Variants in NDE1 observed in about 807,000 individuals in gnomAD.
NDE1 encodes nuclear distribution protein nudE homolog 1.
A neutral mutation model predicts 43.4 loss-of-function variants in NDE1; 28 were observed. The ratio of observed to expected loss-of-function variants is 0.65; its 90% confidence interval spans 0.48 to 0.89. NDE1 has a LOEUF of 0.89. Ranked by LOEUF, NDE1 falls within the 40% of genes least tolerant of loss-of-function variation. NDE1 has a pLI of 0.00. For synonymous variants in NDE1, 184 were observed against 172.0 expected (o/e 1.07, Z -0.55); for missense variants, 441 against 434.1 (o/e 1.02, Z -0.14).
intron 2 of NDE1, among the ~76,000 whole-genome samples, chr16:15,666,470 A>G (rs1458367494): frequency 2.0e-5 from 3 of 152,126 alleles, no homozygotes; most frequent in Non-Finnish European, 4.4e-5. Flanking sequence ...ATTAGCAGGC[A>G]TGGTGGCATG....
At chr16:15,690,792 T>A (rs1380909053) in intron 5 of NDE1, among the ~76,000 whole-genome samples, 1 of 152,022 alleles carries the variant, frequency 6.6e-6, no homozygotes, top group Non-Finnish European at 1.5e-5. Flanking sequence ...CCACCAACCC[T>A]AAGCAAGGAC....
chr16:15,720,334 G>A (rs771335116), intron 8 of NDE1: 2 of 1,610,728 alleles, frequency 1.2e-6, no homozygotes, highest in Non-Finnish European at 1.7e-6. Context: ...ATAGAGATGT[G>A]TGCTGCCCCA....
intron 6 of NDE1, among the ~76,000 whole-genome samples, chr16:15,692,300 C>T (rs1056675360): frequency 2.6e-5 from 4 of 152,204 alleles, no homozygotes; most frequent in Non-Finnish European, 4.4e-5. Context: ...GGGATTCAGA[C>T]CCAGGCAGGC....
chr16:15,722,762 C>T (rs1171882569), intron 8 of NDE1, among the ~76,000 whole-genome samples: 1 of 152,132 alleles, frequency 6.6e-6, no homozygotes, highest in Non-Finnish European at 1.5e-5. Flanking sequence ...ATTTTTGAGA[C>T]AGGGTTTTCA....
rs200767884 is a variant in NDE1 at position 15,724,128 on chromosome 16, T to G, written c.948-63T>G. 1,688 of 1,611,718 alleles carry G rather than the reference T, an allele frequency of 1.0e-3. 2 individuals carry two copies. Among genetic ancestry groups the G allele is most frequent in the Non-Finnish European group, 1.4e-3 (1,614 of 1,180,006 alleles). ...AGCTGATTCCCCAACCCAGCGTCCATGGCCAGAGTGGGGGACACCCCACGC... is the reference window on the plus strand; with the variant it reads ...AGCTGATTCCCCAACCCAGCGTCCAGGGCCAGAGTGGGGGACACCCCACGC... On this transcript the variant is annotated intron_variant, in intron 8 of 8. Transcript: ENST00000396354.
chr16:15,718,628 C>T (rs551751231), intron 8 of NDE1: 47 of 834,366 alleles, frequency 5.6e-5, no homozygotes, highest in South Asian at 4.4e-4. Flanking sequence ...AGGCCGGGTC[C>T]GTGTCAGCAA....
chr16:15,682,031 TTTG>T (rs1158100298), intron 4 of NDE1, among the ~76,000 whole-genome samples: 1 of 152,246 alleles, frequency 6.6e-6, no homozygotes, highest in Non-Finnish European at 1.5e-5. Context: ...TTGTAGTATT[TTTG>T]TTTTTTCTTT....
Position 15,721,623 on chromosome 16 carries a change from C to T in NDE1, c.948-2568C>T, listed in dbSNP as rs2040489515. The stretch of plus-strand genomic sequence containing the variant: ...CGTATTTGGAAGAGATGTTTTTCTC[C>T]TCGGCTAACAACTACAACACAAGAC... On this transcript the variant is annotated intron_variant, in intron 8 of 8. Coordinates refer to ENST00000396354, the MANE Select transcript of NDE1 (RefSeq NM_017668.3). 13 of 1,614,026 alleles carry T rather than the reference C, an allele frequency of 8.1e-6. No homozygotes were observed. The highest frequency in any genetic ancestry group is 1.1e-5 in the Non-Finnish European group (13 of 1,180,040).
chr16:15,719,154 G>A (rs2040330146), intron 8 of NDE1: 7 of 1,480,820 alleles, frequency 4.7e-6, no homozygotes, highest in Non-Finnish European at 6.6e-6. Context: ...TAAAATGGGG[G>A]TCGAGGATGC....
At chr16:15,718,880 C>T (rs974022191) in intron 8 of NDE1, 4 of 414,744 alleles carry the variant, frequency 9.6e-6, no homozygotes, top group South Asian at 2.2e-5. Context: ...GTAATCACAG[C>T]ACTTTGGGAG....
intron 3 of NDE1, among the ~76,000 whole-genome samples, chr16:15,675,777 A>G (rs1043750498): frequency 3.3e-5 from 5 of 152,138 alleles, no homozygotes; most frequent in African/African-American, 1.2e-4. Flanking sequence ...GAACAGAATC[A>G]AGAGAGCTCG....
At chr16:15,704,824 T>A (rs2039362890) in intron 8 of NDE1, among the ~76,000 whole-genome samples, 1 of 152,128 alleles carries the variant, frequency 6.6e-6, no homozygotes, top group Non-Finnish European at 1.5e-5. Context: ...AAAAGGAAAT[T>A]ATACGTGTTA....
At chr16:15,701,554 A>T (rs945077664) in intron 8 of NDE1, 4 of 152,218 alleles carry the variant, frequency 2.6e-5, no homozygotes, top group African/African-American at 9.6e-5. Flanking sequence ...AAATTAAAGC[A>T]CAAGATCATT....
At chr16:15,658,960 T>C (rs1176931412) in intron 1 of NDE1, among the ~76,000 whole-genome samples, 1 of 152,198 alleles carries the variant, frequency 6.6e-6, no homozygotes, top group Non-Finnish European at 1.5e-5. Flanking sequence ...TCTGGCCAGC[T>C]TTGTATGACA....
intron 3 of NDE1, among the ~76,000 whole-genome samples, chr16:15,668,851 A>C (rs1244598839): frequency 6.6e-6 from 1 of 152,046 alleles, no homozygotes; most frequent in African/African-American, 2.4e-5. Context: ...TGGAGCCCGG[A>C]TCATCCTCCG....
rs370416092 is a variant in NDE1, at chr16:15,725,043, G to A, written c.*792G>A. On this transcript the variant is annotated 3_prime_UTR_variant, in exon 9 of 9. Transcript: ENST00000396354. ...TCAAAGCCTCTAGAAGGGGATCCTC[G>A]TTGAAAGGAGCCCTTTTTACTCAAA... The A allele has an allele frequency of 2.3e-5, 35 of 1,495,798 alleles. 1 individual carries two copies. Among genetic ancestry groups the A allele is most frequent in the East Asian group, 6.9e-5 (3 of 43,576 alleles). 92.7% of individuals were successfully genotyped at this position (1,495,798 alleles called of 1,614,324 possible). A position where few individuals can be genotyped will look rare whatever the true frequency, so the allele number is the denominator to read the frequency against.
chr16:15,658,425 A>G (rs758097051), intron 1 of NDE1, among the ~76,000 whole-genome samples: 1 of 152,156 alleles, frequency 6.6e-6, no homozygotes, highest in Non-Finnish European at 1.5e-5. Flanking sequence ...CACCTCTGTC[A>G]CTGGCTCATC....
intron 1 of NDE1, among the ~76,000 whole-genome samples, chr16:15,658,091 C>A (rs1405391586): frequency 6.6e-6 from 1 of 152,160 alleles, no homozygotes; most frequent in East Asian, 1.9e-4. Context: ...GCTCTCCATC[C>A]CTTGGCCCAG....
intron 7 of NDE1, chr16:15,695,010 T>C (rs2038942570): frequency 1.4e-6 from 1 of 725,494 alleles, no homozygotes; most frequent in Non-Finnish European, 1.7e-6. Flanking sequence ...CTGCCCCGAC[T>C]TGGCCTCTAC....
Sources: allele counts gnomAD v4.1 joint callset (sites outside exome capture counted in the v4.1 genomes callset), GRCh38; gene constraint gnomAD v4.1.1; transcripts MANE v1.5; gene names NCBI Gene and HGNC (gene_info 2026-07-23, HGNC 2026-07-21).